Variants in ARMH3 observed in about 807,000 individuals in gnomAD.
The protein encoded by ARMH3 is armadillo like helical domain containing 3.
Under a neutral mutation model 99.1 loss-of-function variants are expected in ARMH3, and 60 were observed. The ratio of observed to expected loss-of-function variants is 0.61; its 90% CI spans 0.49 to 0.75. The LOEUF (loss-of-function observed/expected upper bound fraction) is 0.75. Ranked by LOEUF, ARMH3 falls within the 30% of genes least tolerant of loss-of-function variation. The pLI is 0.00. For missense variants in ARMH3, 679 were observed against 843.1 expected (o/e 0.81, Z 2.41); for synonymous variants, 285 against 292.8 (o/e 0.97, Z 0.27).
At position 101,939,865 on chromosome 10, in the gene ARMH3, G is replaced by A; in HGVS notation, c.1779C>T (p.Ile593=). The A allele has an allele frequency of 6.2e-7, 1 of 1,613,164 alleles. No homozygotes were observed. Among genetic ancestry groups the A allele is most frequent in the South Asian group, 1.1e-5 (1 of 91,052 alleles). Residue 593 remains isoleucine, a splice_region_variant and synonymous_variant, in exon 23 of 26, where the codon ATC becomes ATT. Transcript: ENST00000370033. ...ASKVTHALVN[I]RAIINHFNPK... ...AAGAGATACTTCTCATTCCTTACCT[G>A]ATATTAACCAATGCATGGGTCACCT...
intron 15 of ARMH3, among the ~76,000 whole-genome samples, chr10:101,995,801 C>A (rs540081779): frequency 3.3e-5 from 5 of 152,286 alleles, no homozygotes; most frequent in Admixed American, 2.6e-4. Flanking sequence ...GCAATGAAAT[C>A]AAAAAGAAAT....
At chr10:102,015,882 C>T (rs1322526349) in intron 8 of ARMH3, among the ~76,000 whole-genome samples, 1 of 152,164 alleles carries the variant, frequency 6.6e-6, no homozygotes, top group Non-Finnish European at 1.5e-5. Context: ...GCCTGTAATC[C>T]TAACGCTTTG....
intron 22 of ARMH3, among the ~76,000 whole-genome samples, chr10:101,956,150 A>G (rs1845026296): frequency 1.3e-5 from 2 of 152,240 alleles, no homozygotes; most frequent in South Asian, 4.1e-4. Context: ...TGCAAAAAAA[A>G]GATTTTTATC....
At chr10:102,054,341 A>G (rs1057434340) in intron 1 of ARMH3, among the ~76,000 whole-genome samples, 5 of 151,750 alleles carry the variant, frequency 3.3e-5, no homozygotes, top group Non-Finnish European at 5.9e-5. Context: ...GTGAGCCAAG[A>G]TCATGCCACT....
chr10:101,852,332 C>T (rs1416626540), intron 24 of ARMH3, among the ~76,000 whole-genome samples: 2 of 152,254 alleles, frequency 1.3e-5, no homozygotes, highest in Non-Finnish European at 2.9e-5. Context: ...GGTAGAAGGT[C>T]TAAGGTCTCA....
At chr10:101,929,327 A>G (rs1261774827) in intron 23 of ARMH3, among the ~76,000 whole-genome samples, 1 of 152,268 alleles carries the variant, frequency 6.6e-6, no homozygotes, top group East Asian at 1.9e-4. Context: ...CAAGGAATAA[A>G]GCAGGATCTA....
chr10:101,953,677 C>T (rs1178022004), intron 22 of ARMH3, among the ~76,000 whole-genome samples: 1 of 151,260 alleles, frequency 6.6e-6, no homozygotes, highest in African/African-American at 2.4e-5. Context: ...AGTGAGGTAG[C>T]ACTATATATC....
chr10:101,894,485 C>T (rs1000423877), intron 23 of ARMH3, among the ~76,000 whole-genome samples: 2 of 152,212 alleles, frequency 1.3e-5, no homozygotes, highest in Non-Finnish European at 2.9e-5. Context: ...GGAAGTCTGA[C>T]GGCTACCAGG....
chr10:101,849,700 A>C, intron 25 of ARMH3, 76 bp downstream of exon 25: 1 of 1,234,038 alleles, frequency 8.1e-7, no homozygotes. Flanking sequence ...TCTGCAGATA[A>C]ACTGCAGATA....
intron 24 of ARMH3, among the ~76,000 whole-genome samples, chr10:101,876,272 CTT>C (rs2067265130): frequency 8.4e-6 from 1 of 119,474 alleles, no homozygotes; most frequent in Non-Finnish European, 1.8e-5. Context: ...AAAAAAACAA[CTT>C]ATTTTCTATG....
intron 19 of ARMH3, among the ~76,000 whole-genome samples, chr10:101,977,371 A>G (rs1327203039): frequency 2.0e-5 from 3 of 152,224 alleles, no homozygotes; most frequent in African/African-American, 4.8e-5. Context: ...AAGCCAGACG[A>G]AATTATAAAG....
chr10:101,896,887 G>A (rs1420494279), intron 23 of ARMH3, among the ~76,000 whole-genome samples: 1 of 152,166 alleles, frequency 6.6e-6, no homozygotes, highest in Non-Finnish European at 1.5e-5. Flanking sequence ...TGCTCAGGAA[G>A]GACTGACCCT....
chr10:101,867,729 G>C lies in ARMH3; in HGVS notation c.1861-17837C>G, dbSNP rs192911019. Reference sequence around the variant, plus strand: ...TGCCTGTGGTCCCAGCTACTCGGGAGGCTGAGGTGGGAGGATCACTTGAGC... The same window carrying C: ...TGCCTGTGGTCCCAGCTACTCGGGACGCTGAGGTGGGAGGATCACTTGAGC... On this transcript the variant is annotated intron_variant, in intron 24 of 25. Transcript: ENST00000370033. Among the ~76,000 whole-genome samples, 4 of 152,124 alleles carry C rather than the reference G, an allele frequency of 2.6e-5. No homozygotes were observed. The East Asian group carries it at 7.7e-4, about 29-fold the overall frequency.
At chr10:102,020,790 T>G (rs1030829985) in intron 8 of ARMH3, among the ~76,000 whole-genome samples, 2 of 149,910 alleles carry the variant, frequency 1.3e-5, no homozygotes, top group Non-Finnish European at 3.0e-5. Flanking sequence ...GAGGCAGAGA[T>G]TGCAGTGAGA....
At chr10:101,973,135 C>A (rs543631113) in intron 20 of ARMH3, among the ~76,000 whole-genome samples, 2 of 151,882 alleles carry the variant, frequency 1.3e-5, no homozygotes, top group African/African-American at 2.4e-5. Flanking sequence ...CCGAGGTGGG[C>A]GGATCACAAG....
At chr10:101,880,831 A>T (rs2067396788) in intron 24 of ARMH3, among the ~76,000 whole-genome samples, 1 of 152,100 alleles carries the variant, frequency 6.6e-6, no homozygotes, top group African/African-American at 2.4e-5. Flanking sequence ...CAGGGCCCCT[A>T]ACAATGTTGT....
chr10:101,881,540 T>C (rs1261585005), intron 24 of ARMH3, among the ~76,000 whole-genome samples: 1 of 152,126 alleles, frequency 6.6e-6, no homozygotes, highest in African/African-American at 2.4e-5. Flanking sequence ...CGGTAAGTAG[T>C]GACATGTGTG....
At chr10:102,035,548 C>T (rs1257296416) in intron 2 of ARMH3, among the ~76,000 whole-genome samples, 2 of 145,890 alleles carry the variant, frequency 1.4e-5, no homozygotes, top group Non-Finnish European at 3.1e-5. Flanking sequence ...CGATTGCAGG[C>T]GCGCGCTGCC....
intron 25 of ARMH3, among the ~76,000 whole-genome samples, chr10:101,848,938 GTCCAAAA>G (rs967506580): frequency 4.4e-4 from 67 of 152,312 alleles, no homozygotes; most frequent in Admixed American, 3.9e-3. Context: ...CCCTGTGGAA[GTCCAAAA>G]TCCTGAGGAA....
Sources: gnomAD v4.1 joint callset for allele counts (sites outside exome capture counted in the v4.1 genomes callset) on GRCh38, gnomAD v4.1.1 for gene constraint, MANE v1.5 for transcripts, NCBI Gene and HGNC (gene_info 2026-07-23, HGNC 2026-07-21) for gene names.